The following PPP4R2 variants were observed in gnomAD, a reference collection of about 807,000 sequenced individuals.
PPP4R2 encodes serine/threonine-protein phosphatase 4 regulatory subunit 2.
PPP4R2 carries 13 observed loss-of-function variants against 47.2 expected under a neutral mutation model. The ratio of observed to expected loss-of-function variants is 0.28; its 90% CI spans 0.18 to 0.44. The LOEUF is 0.44. Among genes scored for constraint, PPP4R2 ranks in the 20% least tolerant of loss-of-function variants. The pLI is 1.00. For synonymous variants in PPP4R2, 151 were observed against 163.3 expected (o/e 0.92, Z 0.57); for missense variants, 421 against 491.2 (o/e 0.86, Z 1.35).
intron 2 of PPP4R2, among the ~76,000 whole-genome samples, chr3:73,013,220 A>G (rs1345945597): frequency 1.3e-5 from 2 of 151,838 alleles, no homozygotes; most frequent in African/African-American, 2.4e-5. Context: ...TTCTGACAAA[A>G]TATTAGATGG....
chr3:73,032,769 A>T (rs1702191826), intron 2 of PPP4R2, among the ~76,000 whole-genome samples: 1 of 152,164 alleles, frequency 6.6e-6, no homozygotes, highest in African/African-American at 2.4e-5. Flanking sequence ...CATTTTTTCC[A>T]GTATAATTAC....
intron 2 of PPP4R2, among the ~76,000 whole-genome samples, chr3:73,025,557 C>T (rs551571352): frequency 2.8e-4 from 42 of 152,172 alleles, no homozygotes; most frequent in African/African-American, 1.0e-3. Context: ...AAACAAAGTG[C>T]TTTGGGAGCA....
intron 2 of PPP4R2, among the ~76,000 whole-genome samples, chr3:73,039,707 C>T (rs1397018115): frequency 1.3e-5 from 2 of 152,076 alleles, no homozygotes; most frequent in African/African-American, 2.4e-5. Context: ...AGCTCCACAT[C>T]CTCCAGTACA....
At position 73,012,902 on chromosome 3, in the gene PPP4R2, C is replaced by CTT. The variant is rs202207828; in HGVS notation, c.116+14761_116+14762dup. Among the ~76,000 whole-genome samples, 728 of 120,492 alleles carry CTT rather than the reference C, an allele frequency of 6.0e-3. 9 individuals are homozygous for CTT. Among genetic ancestry groups the CTT allele is most frequent in the African/African-American group, 0.02 (681 of 34,920 alleles). The allele number at this position is 120,492 out of a possible 152,430, so 79.0% of individuals were successfully genotyped here. On this transcript the variant is annotated intron_variant, in intron 2 of 8. Transcript: ENST00000356692. The stretch of plus-strand genomic sequence containing the variant: ...ATCTTAAATGTAGGTAGAATGTAGG[C>CTT]TTTTTTTTTTTTTTTTTTAAACCAC...
intron 5 of PPP4R2, chr3:73,063,019 A>T (rs1702903023): frequency 1.0e-6 from 1 of 962,990 alleles, no homozygotes; most frequent in Non-Finnish European, 1.6e-6. Context: ...TTTGAGGAGA[A>T]AAAAAACAAT....
intron 2 of PPP4R2, among the ~76,000 whole-genome samples, chr3:73,000,596 T>G (rs1701438654): frequency 6.6e-6 from 1 of 152,222 alleles, no homozygotes; most frequent in Non-Finnish European, 1.5e-5. Flanking sequence ...ACATTTTTAC[T>G]TCTTAGTCTA....
intron 2 of PPP4R2, among the ~76,000 whole-genome samples, chr3:73,022,466 C>T (rs1201079628): frequency 2.0e-5 from 3 of 152,020 alleles, no homozygotes; most frequent in Admixed American, 1.3e-4. Flanking sequence ...GTGATAGAAG[C>T]CTCATAATGT....
rs112115204 is a variant in PPP4R2 at position 73,029,540 on chromosome 3, C to A, written c.117-17646C>A. On this transcript the variant is annotated intron_variant, in intron 2 of 8. Coordinates refer to ENST00000356692, the MANE Select transcript of PPP4R2 (RefSeq NM_174907.4). ...TGACTCAGGAGTTTGTCTGAGCATC[C>A]GAAGTGTGGAATTTCATCACATCTG... 1.4e-3 allele frequency among the ~76,000 whole-genome samples: 213 copies of A among 151,074 alleles called. 1 individual carries two copies. The highest frequency in any genetic ancestry group is 4.9e-3 in the African/African-American group (200 of 40,878).
intron 5 of PPP4R2, 41 bp downstream of exon 5, chr3:73,061,101 AT>A: frequency 1.1e-6 from 1 of 936,880 alleles, no homozygotes; most frequent in South Asian, 1.9e-5. Context: ...TATTTACTAT[AT>A]TTAATCATTT....
intron 2 of PPP4R2, among the ~76,000 whole-genome samples, chr3:73,000,321 G>T (rs1701432856): frequency 6.6e-6 from 1 of 152,152 alleles, no homozygotes; most frequent in African/African-American, 2.4e-5. Flanking sequence ...CTGAGTGACA[G>T]AGTGAGACTC....
intron 3 of PPP4R2, among the ~76,000 whole-genome samples, chr3:73,057,254 T>C (rs1249212124): frequency 6.6e-6 from 1 of 152,168 alleles, no homozygotes; most frequent in Admixed American, 6.5e-5. Flanking sequence ...GTTTTGTGTA[T>C]TAGCTATAGA....
At chr3:73,043,829 G>A (rs1157506974) in intron 2 of PPP4R2, among the ~76,000 whole-genome samples, 1 of 152,152 alleles carries the variant, frequency 6.6e-6, no homozygotes. Flanking sequence ...CACTCACGAT[G>A]TATGTTACCA....
At chr3:72,999,008 C>T (rs1455685828) in intron 2 of PPP4R2, among the ~76,000 whole-genome samples, 3 of 152,118 alleles carry the variant, frequency 2.0e-5, no homozygotes, top group African/African-American at 7.2e-5. Context: ...ATTTCTCTGG[C>T]TTTATTATTA....
At chr3:72,996,766 C>CGGGAGCGAGGACGGCGGCA (rs1701349666), upstream of PPP4R2, 1 of 332,456 alleles carries the variant, frequency 3.0e-6, no homozygotes, top group Non-Finnish European at 5.4e-6. Flanking sequence ...GAGCGCGCGG[C>CGGGAGCGAGGACGGCGGCA]GGGAGCGAGG....
intron 2 of PPP4R2, among the ~76,000 whole-genome samples, chr3:73,042,055 G>A (rs563726106): frequency 6.6e-6 from 1 of 152,236 alleles, no homozygotes; most frequent in East Asian, 1.9e-4. Flanking sequence ...GGGAGGTGAA[G>A]CTACTTAGTT....
intron 4 of PPP4R2, among the ~76,000 whole-genome samples, chr3:73,060,258 C>T (rs770708218): frequency 9.9e-5 from 15 of 152,254 alleles, no homozygotes; most frequent in Admixed American, 3.9e-4. Context: ...TGAATAATAT[C>T]CCCAAAGGCC....
At chr3:72,997,777 C>T (rs1031333879) in intron 1 of PPP4R2, among the ~76,000 whole-genome samples, 2 of 152,146 alleles carry the variant, frequency 1.3e-5, no homozygotes, top group Non-Finnish European at 2.9e-5. Context: ...TTTTTATTTT[C>T]ACTGGATTCC....
chr3:73,049,780 T>C (rs6549502), intron 3 of PPP4R2, among the ~76,000 whole-genome samples: 78,985 of 149,614 alleles, frequency 0.53, 21,236 homozygotes, highest in African/African-American at 0.62. Context: ...AAAATTAATA[T>C]TGTGTATTAT....
chr3:73,024,778 A>G (rs1702029047), intron 2 of PPP4R2, among the ~76,000 whole-genome samples: 1 of 152,180 alleles, frequency 6.6e-6, no homozygotes, highest in South Asian at 2.1e-4. Context: ...GAAAGCATCA[A>G]ATTCATTTAA....
Sources: gnomAD v4.1 joint callset for allele counts (sites outside exome capture counted in the v4.1 genomes callset) on GRCh38, gnomAD v4.1.1 for gene constraint, MANE v1.5 for transcripts, NCBI Gene and HGNC (gene_info 2026-07-23, HGNC 2026-07-21) for gene names.